FAM13C: variants seen among roughly 807,000 people sequenced by gnomAD.
FAM13C encodes the protein family with sequence similarity 13 member C, also known as protein FAM13C.
FAM13C carries 37 observed loss-of-function variants against 73.2 expected under a neutral mutation model. That is an observed-to-expected ratio of 0.51 (90% CI 0.39 to 0.67). FAM13C has a LOEUF of 0.67. Among genes scored for constraint, FAM13C ranks in the 30% least tolerant of loss-of-function variants. The probability of loss-of-function intolerance (pLI) is 0.00; values close to 1 mark genes in which losing one functional copy is unlikely to be tolerated. For missense variants in FAM13C, 589 were observed against 715.6 expected (o/e 0.82, Z 2.02); for synonymous variants, 246 against 260.9 (o/e 0.94, Z 0.55).
intron 5 of FAM13C, among the ~76,000 whole-genome samples, chr10:59,292,467 T>C (rs899152016): frequency 6.6e-6 from 1 of 152,266 alleles, no homozygotes; most frequent in Non-Finnish European, 1.5e-5. Context: ...TCATTCTGTG[T>C]CACAGGGCAA....
chr10:59,261,574 G>A (rs1842504775), intron 10 of FAM13C, among the ~76,000 whole-genome samples: 1 of 152,098 alleles, frequency 6.6e-6, no homozygotes, highest in South Asian at 2.1e-4. Context: ...GTGCAGAAAA[G>A]GGGAGGTCAT....
intron 5 of FAM13C, among the ~76,000 whole-genome samples, chr10:59,294,519 T>C (rs1846670753): frequency 6.6e-6 from 1 of 152,194 alleles, no homozygotes; most frequent in Non-Finnish European, 1.5e-5. Flanking sequence ...TGGCATGGCT[T>C]CCACTTTTTC....
chr10:59,356,060 A>T lies in FAM13C; in HGVS notation c.63-117T>A, dbSNP rs1374456465. ...AAAACTAAAAGATGAAACACTCCCTATCATTCTCTCCCAAATAAGTTCTGA... is the reference window on the plus strand; with the variant it reads ...AAAACTAAAAGATGAAACACTCCCTTTCATTCTCTCCCAAATAAGTTCTGA... On this transcript the variant is annotated intron_variant, in intron 1 of 13. Transcript: ENST00000618804. 4 of 908,194 alleles carry T rather than the reference A, an allele frequency of 4.4e-6. No individual in the cohort carries two copies. In the East Asian group the frequency reaches 9.8e-5, roughly 22 times the overall value. The allele number at this position is 908,194 out of a possible 1,614,324, so 56.3% of individuals were successfully genotyped here.
chr10:59,356,779 C>G (rs1218489807), intron 1 of FAM13C, among the ~76,000 whole-genome samples: 1 of 152,026 alleles, frequency 6.6e-6, no homozygotes, highest in African/African-American at 2.4e-5. Context: ...GAGGGTGTTG[C>G]CAAAGGAGAT....
intron 8 of FAM13C, among the ~76,000 whole-genome samples, chr10:59,267,561 AT>A (rs1047557919): frequency 1.3e-5 from 2 of 152,128 alleles, no homozygotes; most frequent in Non-Finnish European, 2.9e-5. Flanking sequence ...TTTTTCCCCC[AT>A]TTTTGCAAAG....
At chr10:59,337,677 T>A (rs1217865368) in intron 3 of FAM13C, among the ~76,000 whole-genome samples, 1 of 73,458 alleles carries the variant, frequency 1.4e-5, no homozygotes, top group East Asian at 3.0e-4. Flanking sequence ...CTTTTTTTTT[T>A]TTTTTTTTTT....
chr10:59,352,146 C>T (rs1050506985), intron 3 of FAM13C, 124 bp downstream of exon 3: 3 of 1,065,890 alleles, frequency 2.8e-6, no homozygotes, highest in Non-Finnish European at 4.1e-6. Context: ...CGGCAGAGCA[C>T]GCAATGACAA....
intron 1 of FAM13C, among the ~76,000 whole-genome samples, chr10:59,359,577 T>C (rs1024828786): frequency 2.0e-5 from 3 of 152,198 alleles, no homozygotes; most frequent in Non-Finnish European, 4.4e-5. Flanking sequence ...CTGAAGTACC[T>C]GGTCAAAACA....
intron 3 of FAM13C, among the ~76,000 whole-genome samples, chr10:59,339,527 C>A (rs1396811178): frequency 3.9e-5 from 6 of 152,184 alleles, no homozygotes; most frequent in Non-Finnish European, 8.8e-5. Flanking sequence ...ATTCTCCCAT[C>A]CTTTCCACAT....
intron 1 of FAM13C, 65 bp from the exon 2 acceptor site, chr10:59,356,008 T>C: frequency 7.0e-7 from 1 of 1,434,798 alleles, no homozygotes; most frequent in African/African-American, 1.4e-5. Flanking sequence ...GTAGCAATAA[T>C]CTAGAATTGT....
chr10:59,289,887 G>A (rs910062239), intron 5 of FAM13C, among the ~76,000 whole-genome samples: 16 of 152,024 alleles, frequency 1.1e-4, no homozygotes, highest in African/African-American at 3.6e-4. Flanking sequence ...CCCCAAGCCC[G>A]TCACTCAGGG....
intron 3 of FAM13C, among the ~76,000 whole-genome samples, chr10:59,341,863 C>T (rs909806447): frequency 2.0e-5 from 3 of 152,112 alleles, no homozygotes; most frequent in African/African-American, 7.2e-5. Flanking sequence ...GTTACCTGTG[C>T]CTAGAGGTAT....
chr10:59,288,217 C>T (rs1373402379), intron 5 of FAM13C, among the ~76,000 whole-genome samples: 4 of 152,132 alleles, frequency 2.6e-5, no homozygotes, highest in African/African-American at 9.7e-5. Context: ...GGTGGCTGGG[C>T]GCAGTGGCTT....
intron 3 of FAM13C, among the ~76,000 whole-genome samples, chr10:59,332,078 G>A (rs965117126): frequency 6.6e-6 from 1 of 152,292 alleles, no homozygotes; most frequent in Non-Finnish European, 1.5e-5. Flanking sequence ...TTCAGAGTAG[G>A]CAGAGAGGGA....
chr10:59,316,415 A>G (rs116192007), intron 4 of FAM13C, among the ~76,000 whole-genome samples: 3,112 of 152,338 alleles, frequency 0.02, 102 homozygotes, highest in African/African-American at 0.072. Flanking sequence ...AGTAACTGCA[A>G]TATCAAATAC....
chr10:59,270,519 GA>G (rs143711687), intron 6 of FAM13C, among the ~76,000 whole-genome samples: 20,001 of 152,060 alleles, frequency 0.13, 3,265 homozygotes, highest in African/African-American at 0.38. Flanking sequence ...ACCAGTGAAG[GA>G]AGGGAGAGAA....
intron 3 of FAM13C, among the ~76,000 whole-genome samples, chr10:59,341,307 A>G (rs1853475468): frequency 6.6e-6 from 1 of 152,182 alleles, no homozygotes; most frequent in Admixed American, 6.5e-5. Context: ...CCTGGCACAC[A>G]GCAACATTAC....
intron 3 of FAM13C, chr10:59,327,859 G>A (rs1049703341): frequency 6.6e-6 from 1 of 152,180 alleles, no homozygotes; most frequent in Non-Finnish European, 1.5e-5. Context: ...ACAGACTGAA[G>A]GGTAAGAGAG....
intron 3 of FAM13C, among the ~76,000 whole-genome samples, chr10:59,333,682 C>A (rs1399110049): frequency 6.6e-6 from 1 of 151,826 alleles, no homozygotes; most frequent in East Asian, 1.9e-4. Context: ...TTCAAATATC[C>A]CTCAGTGTTT....
Sources: gnomAD v4.1 joint callset for allele counts (sites outside exome capture counted in the v4.1 genomes callset) on GRCh38, gnomAD v4.1.1 for gene constraint, MANE v1.5 for transcripts, NCBI Gene and HGNC (gene_info 2026-07-23, HGNC 2026-07-21) for gene names.